Variants in CNTN6 observed in about 807,000 individuals in gnomAD.
CNTN6 encodes the protein contactin-6.
Under a neutral mutation model 122.8 loss-of-function variants are expected in CNTN6, and 137 were observed. That is an observed-to-expected ratio of 1.12 (90% CI 0.97 to 1.29). The LOEUF (loss-of-function observed/expected upper bound fraction) is 1.29, where lower values mean the gene tolerates loss of function less well. Ranked by LOEUF, CNTN6 falls within the 50% of genes most tolerant of loss-of-function variation. The probability of loss-of-function intolerance (pLI) is 0.00; values close to 1 mark genes in which losing one functional copy is unlikely to be tolerated. For missense variants in CNTN6, 1,634 were observed against 1,223.4 expected, an observed-to-expected ratio of 1.34 and a Z score of -5.01; for synonymous variants, 570 against 426.0, an observed-to-expected ratio of 1.34 and a Z score of -4.16.
At chr3:1,241,317 G>A (rs921945239) in intron 4 of CNTN6, among the ~76,000 whole-genome samples, 3 of 152,076 alleles carry the variant, frequency 2.0e-5, no homozygotes, top group Non-Finnish European at 2.9e-5. Context: ...TTTGGGGGTG[G>A]TATGGAGAGA....
intron 3 of CNTN6, among the ~76,000 whole-genome samples, chr3:1,225,158 A>G (rs564898774): frequency 9.2e-5 from 14 of 152,368 alleles, no homozygotes; most frequent in African/African-American, 3.1e-4. Flanking sequence ...CTAATATGAT[A>G]TTAATTCAGA....
At chr3:1,133,202 C>T (rs918974442) in intron 1 of CNTN6, among the ~76,000 whole-genome samples, 7 of 152,144 alleles carry the variant, frequency 4.6e-5, no homozygotes, top group East Asian at 1.9e-4. Context: ...ATGAAAATTT[C>T]GTAGAATAAG....
intron 11 of CNTN6, among the ~76,000 whole-genome samples, chr3:1,345,336 G>A (rs564045196): frequency 2.0e-4 from 31 of 151,968 alleles, no homozygotes; most frequent in South Asian, 1.2e-3. Flanking sequence ...GTCTGGTCTC[G>A]AACTCCTGAC....
At chr3:1,305,558 T>A (rs375928462) in intron 7 of CNTN6, among the ~76,000 whole-genome samples, 1 of 152,190 alleles carries the variant, frequency 6.6e-6, no homozygotes, top group Non-Finnish European at 1.5e-5. Context: ...CTGATAGATA[T>A]GTACGTCTCC....
chr3:1,267,988 C>A (rs2125737255), intron 4 of CNTN6, among the ~76,000 whole-genome samples: 1 of 152,272 alleles, frequency 6.6e-6, no homozygotes, highest in East Asian at 1.9e-4. Context: ...TGGATACTCC[C>A]CTTTTTGCCT....
intron 5 of CNTN6, among the ~76,000 whole-genome samples, chr3:1,283,312 C>A (rs538517646): frequency 6.6e-6 from 1 of 152,200 alleles, no homozygotes; most frequent in Non-Finnish European, 1.5e-5. Flanking sequence ...TGTTACCGTG[C>A]CTTTGGCTGA....
chr3:1,373,998 C>T lies in CNTN6; in HGVS notation c.2020C>T (p.Arg674Cys), dbSNP rs147761774. The T allele has an allele frequency of 4.0e-5, 65 of 1,612,986 alleles. No individual in the cohort carries two copies. The highest frequency in any genetic ancestry group is 5.3e-5 in the African/African-American group (4 of 74,826). Reference sequence around the variant, plus strand: ...GAGTCCTTGGGTGGAATATGAATTTCGTGTTGTTGCCGGCAACAGCATTGG... The same window carrying T: ...GAGTCCTTGGGTGGAATATGAATTTTGTGTTGTTGCCGGCAACAGCATTGG... The part of the protein sequence containing the change: ...GLSPWVEYEF[R>C]VVAGNSIGIG... The change falls in exon 16 of 23, where the codon CGT (arginine) becomes TGT (cysteine). Residue 674 changes from arginine to cysteine, a missense_variant. Coordinates refer to ENST00000446702, the MANE Select transcript of CNTN6 (RefSeq NM_001289080.2).
chr3:1,162,370 T>A (rs1437139489), intron 2 of CNTN6, among the ~76,000 whole-genome samples: 1 of 151,974 alleles, frequency 6.6e-6, no homozygotes, highest in Non-Finnish European at 1.5e-5. Flanking sequence ...ACAAAAGTGC[T>A]ACATTTGGGG....
chr3:1,324,682 A>C (rs1701291207), intron 8 of CNTN6, among the ~76,000 whole-genome samples: 1 of 149,638 alleles, frequency 6.7e-6, no homozygotes, highest in African/African-American at 2.5e-5. Flanking sequence ...TGGTCAACTC[A>C]ATAACTCAGC....
chr3:1,241,468 A>G (rs975392810), intron 4 of CNTN6, among the ~76,000 whole-genome samples: 1 of 152,082 alleles, frequency 6.6e-6, no homozygotes, highest in Non-Finnish European at 1.5e-5. Context: ...TTTGTCGTAT[A>G]GAATGATTGG....
At chr3:1,159,675 C>A (rs1233958601) in intron 2 of CNTN6, among the ~76,000 whole-genome samples, 1 of 151,286 alleles carries the variant, frequency 6.6e-6, no homozygotes, top group Non-Finnish European at 1.5e-5. Flanking sequence ...ATTGACAGAA[C>A]AATTAATCTA....
At chr3:1,157,400 AGAGACGGG>A (rs1468529016) in intron 2 of CNTN6, among the ~76,000 whole-genome samples, 3 of 151,610 alleles carry the variant, frequency 2.0e-5, no homozygotes, top group African/African-American at 7.3e-5. Flanking sequence ...TATATTTAGT[AGAGACGGG>A]GCTTCACCAC....
At chr3:1,169,343 A>G (rs1230524166) in intron 2 of CNTN6, among the ~76,000 whole-genome samples, 4 of 152,210 alleles carry the variant, frequency 2.6e-5, no homozygotes, top group African/African-American at 9.6e-5. Context: ...GGGGACATTC[A>G]GCCTCCTTGT....
intron 1 of CNTN6, among the ~76,000 whole-genome samples, chr3:1,124,626 G>C (rs951581562): frequency 2.8e-4 from 42 of 151,816 alleles, no homozygotes; most frequent in Non-Finnish European, 5.9e-5. Flanking sequence ...TAAAATCTCA[G>C]ACATCCCTGC....
At chr3:1,197,845 T>C (rs1442551126) in intron 2 of CNTN6, among the ~76,000 whole-genome samples, 1 of 152,220 alleles carries the variant, frequency 6.6e-6, no homozygotes, top group African/African-American at 2.4e-5. Context: ...CAAAGTCTGC[T>C]CTATTACGTG....
At chr3:1,099,375 CG>C (rs1258931274) in intron 1 of CNTN6, among the ~76,000 whole-genome samples, 5 of 151,928 alleles carry the variant, frequency 3.3e-5, no homozygotes, top group African/African-American at 1.2e-4. Flanking sequence ...GGCGGGAACC[CG>C]GGGGGCGGAG....
chr3:1,301,598 G>C (rs1418430069), intron 7 of CNTN6, among the ~76,000 whole-genome samples: 1 of 152,130 alleles, frequency 6.6e-6, no homozygotes, highest in Non-Finnish European at 1.5e-5. Flanking sequence ...TGATTTAATA[G>C]AGTACACTCC....
At chr3:1,394,212 G>C (rs1250835386) in intron 20 of CNTN6, 1 of 237,352 alleles carries the variant, frequency 4.2e-6, no homozygotes. Flanking sequence ...CCTCATCTCC[G>C]GAAGCTTCCG....
At chr3:1,178,727 G>C (rs143538081) in intron 2 of CNTN6, among the ~76,000 whole-genome samples, 1 of 152,140 alleles carries the variant, frequency 6.6e-6, no homozygotes, top group Non-Finnish European at 1.5e-5. Flanking sequence ...CTGATAGGTC[G>C]TTAGTGTGGA....
Sources: allele counts gnomAD v4.1 joint callset (sites outside exome capture counted in the v4.1 genomes callset), GRCh38; gene constraint gnomAD v4.1.1; transcripts MANE v1.5; gene names NCBI Gene and HGNC (gene_info 2026-07-23, HGNC 2026-07-21).